Variants in TNFSF4 observed in about 807,000 individuals in gnomAD.
The protein encoded by TNFSF4 is tumor necrosis factor ligand superfamily member 4.
TNFSF4 carries 4 observed loss-of-function variants against 7.3 expected under a neutral mutation model. That is an observed-to-expected ratio of 0.55 (90% CI 0.27 to 1.25). TNFSF4 has a LOEUF of 1.25. Ranked by LOEUF, TNFSF4 falls within the 50% of genes most tolerant of loss-of-function variation. TNFSF4 has a pLI of 0.12. For missense variants in TNFSF4, 181 were observed against 208.8 expected, an observed-to-expected ratio of 0.87 and a Z score of 0.82; for synonymous variants, 76 against 83.7, an observed-to-expected ratio of 0.91 and a Z score of 0.50.
chr1:173,205,328 T>C (rs1211118978), intron 1 of TNFSF4: 2 of 1,612,268 alleles, frequency 1.2e-6, no homozygotes, highest in Admixed American at 1.7e-5. Flanking sequence ...TTTAGTGTCC[T>C]AGAAACCAGC....
chr1:173,202,974 C>T (rs538474217), intron 1 of TNFSF4, among the ~76,000 whole-genome samples: 1 of 151,504 alleles, frequency 6.6e-6, no homozygotes, highest in Non-Finnish European at 1.5e-5. Context: ...CCTCCCTCCT[C>T]TCATCTTCCC....
At chr1:173,255,513 G>A in the TNFSF4 span, among the ~76,000 whole-genome samples, 1 of 152,186 alleles carries the variant, frequency 6.6e-6, no homozygotes, top group Non-Finnish European at 1.5e-5. Context: ...TTACCACATT[G>A]CCAAGTTAAC....
At chr1:173,380,387 C>T in the TNFSF4 span, among the ~76,000 whole-genome samples, 27 of 152,134 alleles carry the variant, frequency 1.8e-4, no homozygotes, top group Admixed American at 7.2e-4. Context: ...GCAAAAAATG[C>T]CCACCCAGTC....
the TNFSF4 span, among the ~76,000 whole-genome samples, chr1:173,317,931 A>G: frequency 6.6e-6 from 1 of 152,234 alleles, no homozygotes; most frequent in Non-Finnish European, 1.5e-5. Flanking sequence ...CGAATTATAA[A>G]TATTACAATA....
At chr1:173,219,675 C>T in the TNFSF4 span, among the ~76,000 whole-genome samples, 3 of 151,732 alleles carry the variant, frequency 2.0e-5, no homozygotes, top group African/African-American at 7.3e-5. Context: ...GTGATACACA[C>T]ACACACACAC....
chr1:173,286,660 G>T, the TNFSF4 span, among the ~76,000 whole-genome samples: 106 of 152,030 alleles, frequency 7.0e-4, 1 homozygote, highest in Middle Eastern at 6.8e-3. Context: ...AAAAATAAAA[G>T]AATCTCTTTC....
chr1:173,368,051 A>G, the TNFSF4 span, among the ~76,000 whole-genome samples: 2 of 152,202 alleles, frequency 1.3e-5, no homozygotes, highest in African/African-American at 4.8e-5. Context: ...AAATGCACCA[A>G]TCAGCACTCT....
At chr1:173,435,279 G>A in the TNFSF4 span, among the ~76,000 whole-genome samples, 1 of 152,154 alleles carries the variant, frequency 6.6e-6, no homozygotes, top group Non-Finnish European at 1.5e-5. Flanking sequence ...GAGCAAATAA[G>A]AACATTCTAA....
chr1:173,446,689 G>A, the TNFSF4 span, among the ~76,000 whole-genome samples: 9 of 152,102 alleles, frequency 5.9e-5, no homozygotes, highest in East Asian at 1.9e-4. Flanking sequence ...AGACTTGCTC[G>A]GTCTTCTGGC....
the TNFSF4 span, among the ~76,000 whole-genome samples, chr1:173,337,288 C>A: frequency 6.6e-6 from 1 of 152,104 alleles, no homozygotes; most frequent in African/African-American, 2.4e-5. Flanking sequence ...TATGGGCCAC[C>A]AAGTTACCAT....
the TNFSF4 span, among the ~76,000 whole-genome samples, chr1:173,402,086 C>T: frequency 6.6e-6 from 1 of 152,160 alleles, no homozygotes; most frequent in Non-Finnish European, 1.5e-5. Flanking sequence ...AAATCCTAAG[C>T]TTCTTTTTTT....
chr1:173,419,326 A>G, the TNFSF4 span, among the ~76,000 whole-genome samples: 1 of 150,440 alleles, frequency 6.6e-6, no homozygotes, highest in African/African-American at 2.5e-5. Flanking sequence ...TGGGTGACAG[A>G]GCAAGACTCC....
the TNFSF4 span, among the ~76,000 whole-genome samples, chr1:173,395,038 G>A: frequency 4.6e-5 from 1 of 21,732 alleles, no homozygotes; most frequent in Non-Finnish European, 8.4e-5. Flanking sequence ...ATAGATAGAT[G>A]ATAGATAGAT....
At chr1:173,172,976 C>T in the TNFSF4 span, among the ~76,000 whole-genome samples, 1 of 152,108 alleles carries the variant, frequency 6.6e-6, no homozygotes, top group Non-Finnish European at 1.5e-5. Flanking sequence ...TGTCCTTCTT[C>T]ACAAGGCAGC....
the TNFSF4 span, among the ~76,000 whole-genome samples, chr1:173,260,727 C>CA: frequency 2.0e-5 from 3 of 152,068 alleles, no homozygotes; most frequent in East Asian, 5.8e-4. Context: ...CAACTAAGAT[C>CA]AAAAAAGACA....
the TNFSF4 span, among the ~76,000 whole-genome samples, chr1:173,387,755 T>C: frequency 1.3e-5 from 2 of 152,174 alleles, no homozygotes; most frequent in East Asian, 3.8e-4. Context: ...TTAATTGAAA[T>C]ATGGTAAAAA....
the TNFSF4 span, among the ~76,000 whole-genome samples, chr1:173,371,195 G>A: frequency 3.9e-5 from 6 of 152,286 alleles, no homozygotes; most frequent in Admixed American, 2.6e-4. Flanking sequence ...TGCGCTGGAC[G>A]GCTGTCCTCA....
the TNFSF4 span, among the ~76,000 whole-genome samples, chr1:173,372,475 T>C: frequency 1.3e-5 from 2 of 152,202 alleles, no homozygotes; most frequent in Non-Finnish European, 2.9e-5. Context: ...GGAATAGCTC[T>C]TGGAGTCCTT....
the TNFSF4 span, among the ~76,000 whole-genome samples, chr1:173,312,058 C>T: frequency 3.3e-5 from 5 of 152,002 alleles, no homozygotes; most frequent in African/African-American, 9.7e-5. Context: ...ACTTTTGTGA[C>T]GTGTATTAAT....
Sources: gnomAD v4.1 joint callset for allele counts (sites outside exome capture counted in the v4.1 genomes callset) on GRCh38, gnomAD v4.1.1 for gene constraint, MANE v1.5 for transcripts, NCBI Gene and HGNC (gene_info 2026-07-23, HGNC 2026-07-21) for gene names.